The following AKR1C4 variants were observed in gnomAD, a reference collection of about 807,000 sequenced individuals.
AKR1C4 encodes the protein 3-alpha-HSD1.
In AKR1C4, 44 loss-of-function variants were observed where a neutral mutation model predicts 41.0. That is an observed-to-expected ratio of 1.07 (90% CI 0.84 to 1.38). The LOEUF (loss-of-function observed/expected upper bound fraction) is 1.38. AKR1C4 is among the 40% of genes most tolerant of loss of function. AKR1C4 has a pLI of 0.00. For missense variants in AKR1C4, 438 were observed against 387.9 expected (o/e 1.13, Z -1.09); for synonymous variants, 165 against 137.7 (o/e 1.20, Z -1.39).
At chr10:5,206,142 T>C in intron 4 of AKR1C4, 133 bp from the exon 5 acceptor site, 1 of 1,459,374 alleles carries the variant, frequency 6.9e-7, no homozygotes, top group East Asian at 2.3e-5. Context: ...TCTGTTGTAA[T>C]TTTTTCTCTT....
chr10:5,203,651 T>G (rs1832436933), intron 2 of AKR1C4, among the ~76,000 whole-genome samples: 1 of 152,212 alleles, frequency 6.6e-6, no homozygotes, highest in Non-Finnish European at 1.5e-5. Flanking sequence ...TTTTCACTTT[T>G]CCTATTAAGT....
chr10:5,213,025 G>A lies in AKR1C4; in HGVS notation c.712G>A (p.Asp238Asn). The change falls in exon 7 of 9, where the codon GAC becomes AAC. Residue 238 changes from aspartate (D) to asparagine (N), a missense_variant. Physicochemically the swap from Asp to Asn is conservative, Grantham distance 23. Transcript: ENST00000263126. ...CCCAAACTCCCCAGTTCTTTTGGAG[G>A]ACCCAGTTCTTTGTGCCTTAGCAAA... is the stretch of plus-strand genomic sequence containing the variant. ...VDPNSPVLLE[D>N]PVLCALAKKH... The A allele has an allele frequency of 6.2e-7, 1 of 1,614,100 alleles. No individual in the cohort carries two copies. Among genetic ancestry groups the A allele is most frequent in the East Asian group, 2.2e-5 (1 of 44,858 alleles).
intron 3 of AKR1C4, among the ~76,000 whole-genome samples, chr10:5,205,303 T>A (rs1337736626): frequency 2.0e-5 from 3 of 152,188 alleles, no homozygotes; most frequent in African/African-American, 7.2e-5. Flanking sequence ...ACTTTCAAAT[T>A]AATACTGAAA....
At chr10:5,215,862 C>A (rs1832648701) in intron 7 of AKR1C4, among the ~76,000 whole-genome samples, 1 of 152,140 alleles carries the variant, frequency 6.6e-6, no homozygotes, top group Non-Finnish European at 1.5e-5. Flanking sequence ...TCTTCTGAAC[C>A]CTCCTGACAC....
At chr10:5,212,491 G>GTCA in intron 5 of AKR1C4, 125 bp from the exon 6 acceptor site, 2 of 892,616 alleles carry the variant, frequency 2.2e-6, no homozygotes, top group Non-Finnish European at 3.3e-6. Flanking sequence ...TTTATAAAAT[G>GTCA]ATTGTTACTT....
At chr10:5,210,406 G>A (rs1447245726) in intron 5 of AKR1C4, among the ~76,000 whole-genome samples, 4 of 152,172 alleles carry the variant, frequency 2.6e-5, no homozygotes, top group Non-Finnish European at 4.4e-5. Flanking sequence ...TCTAGGGTCT[G>A]GAGGATGGTG....
rs1588343042 is a variant in AKR1C4, at chr10:5,213,399, C to G, written c.846+240C>G. 3.3e-5 allele frequency among the ~76,000 whole-genome samples: 5 copies of G among 152,310 alleles called. 1 individual carries two copies. The highest frequency in any genetic ancestry group is 3.3e-4 in the Admixed American group (5 of 15,308). ...ACAACATAAAGTTGGCAACTTAACT[C>G]TATCCCTCTGCTAGGGACATCACCT... On this transcript the variant is annotated intron_variant, in intron 7 of 8. Transcript: ENST00000263126.
Position 5,218,872 on chromosome 10 carries a change from T to G in AKR1C4, c.*112T>G. The G allele has an allele frequency of 1.0e-6, 1 of 975,030 alleles. No individual in the cohort carries two copies. The highest frequency in any genetic ancestry group is 1.7e-5 in the South Asian group (1 of 58,384). 60.4% of individuals were successfully genotyped at this position (975,030 alleles called of 1,614,324 possible). The stretch of plus-strand genomic sequence containing the variant: ...ACAGCCTCTGGTTAAATCCCTCCCC[T>G]CCTGCTTGGCAACTTCAGCTAGCTA... On this transcript the variant is annotated 3_prime_UTR_variant, in exon 9 of 9. Transcript: ENST00000263126.
chr10:5,203,114 T>C (rs1832427120), intron 2 of AKR1C4, among the ~76,000 whole-genome samples: 1 of 152,116 alleles, frequency 6.6e-6, no homozygotes, highest in African/African-American at 2.4e-5. Flanking sequence ...ACATCTCCTG[T>C]GGAGATAGCA....
intron 7 of AKR1C4, among the ~76,000 whole-genome samples, chr10:5,215,440 A>G (rs1832641172): frequency 6.6e-6 from 1 of 152,182 alleles, no homozygotes; most frequent in Non-Finnish European, 1.5e-5. Flanking sequence ...TTGGCTCACA[A>G]TTTGCAGGCT....
chr10:5,216,358 G>C (rs7915357), intron 7 of AKR1C4, among the ~76,000 whole-genome samples: 12,996 of 152,126 alleles, frequency 0.085, 645 homozygotes, highest in African/African-American at 0.13. Flanking sequence ...TATCCAAATT[G>C]TATCACCATC....
At chr10:5,197,912 CAG>C (rs1439921119) in intron 1 of AKR1C4, among the ~76,000 whole-genome samples, 7 of 152,182 alleles carry the variant, frequency 4.6e-5, no homozygotes, top group African/African-American at 1.7e-4. Context: ...GCACAGCAAA[CAG>C]AGGATCAGGG....
chr10:5,215,049 G>A (rs1454581988), intron 7 of AKR1C4, among the ~76,000 whole-genome samples: 4 of 152,188 alleles, frequency 2.6e-5, no homozygotes, highest in African/African-American at 9.6e-5. Context: ...TTGGATTTCA[G>A]TATTTCTACA....
chr10:5,207,316 C>A, intron 5 of AKR1C4: 2 of 277,908 alleles, frequency 7.2e-6, no homozygotes, highest in South Asian at 7.8e-5. Flanking sequence ...CATACCCACA[C>A]CAAAGGATTT....
intron 5 of AKR1C4, among the ~76,000 whole-genome samples, chr10:5,206,656 A>C: frequency 6.6e-6 from 1 of 152,164 alleles, no homozygotes; most frequent in East Asian, 1.9e-4. Flanking sequence ...GGAGGACTGA[A>C]ATGGTTAATC....
At chr10:5,206,471 GT>G in intron 5 of AKR1C4, 74 bp downstream of exon 5, 1 of 1,600,712 alleles carries the variant, frequency 6.2e-7, no homozygotes, top group Non-Finnish European at 8.5e-7. Flanking sequence ...GCTTCCATTT[GT>G]TTTGTTCCAC....
Position 5,200,297 on chromosome 10 carries a change from C to G in AKR1C4, c.201C>G (p.Ser67Arg), listed in dbSNP as rs782341542. ...AGCAGGTTGGACTGGCCATCCGAAG[C>G]AAGATTGCAGATGGCAGTGTGAAGA... is the stretch of plus-strand genomic sequence containing the variant. ...NEEQVGLAIR[S>R]KIADGSVKRE... Residue 67 changes from serine (S) to arginine (R), a missense_variant, in exon 2 of 9, where the codon AGC becomes AGG. Physicochemically the swap from Ser to Arg is moderately radical, Grantham distance 110 (BLOSUM62 -1). Transcript: ENST00000263126. 1.2e-6 allele frequency: 2 copies of G among 1,614,154 alleles called. No individual in the cohort carries two copies. The highest frequency in any genetic ancestry group is 1.7e-6 in the Non-Finnish European group (2 of 1,179,994).
At position 5,200,166 on chromosome 10, in the gene AKR1C4, T is replaced by C; in HGVS notation, c.85-15T>C. ...CACATTGATCACCAAATACTACCTTTCGTTGCTCCTTCAGGTTCCGAGGAA... is the reference window on the plus strand; with the variant it reads ...CACATTGATCACCAAATACTACCTTCCGTTGCTCCTTCAGGTTCCGAGGAA... On this transcript the variant is annotated splice_polypyrimidine_tract_variant and intron_variant, in intron 1 of 8. Transcript: ENST00000263126. 6.2e-7 allele frequency: 1 copy of C among 1,605,438 alleles called. No homozygotes were observed. The highest frequency in any genetic ancestry group is 8.5e-7 in the Non-Finnish European group (1 of 1,176,066).
intron 3 of AKR1C4, chr10:5,204,734 GCC>G: frequency 1.6e-6 from 1 of 614,302 alleles, no homozygotes; most frequent in Non-Finnish European, 3.0e-6. Flanking sequence ...AATAACAACA[GCC>G]ACCTTCAAGG....
Sources: gnomAD v4.1 joint callset for allele counts (sites outside exome capture counted in the v4.1 genomes callset) on GRCh38, gnomAD v4.1.1 for gene constraint, MANE v1.5 for transcripts, NCBI Gene and HGNC (gene_info 2026-07-23, HGNC 2026-07-21) for gene names.